SFTPD: variants seen among roughly 807,000 people sequenced by gnomAD.
SFTPD encodes the protein surfactant protein D, also known as pulmonary surfactant-associated protein D.
Under a neutral mutation model 34.6 loss-of-function variants are expected in SFTPD, and 18 were observed. The ratio of observed to expected loss-of-function variants is 0.52; its 90% confidence interval spans 0.36 to 0.77. The LOEUF (loss-of-function observed/expected upper bound fraction) is 0.77. Among genes scored for constraint, SFTPD ranks in the 30% least tolerant of loss-of-function variants. The pLI is 0.00. For synonymous variants in SFTPD, 155 were observed against 180.9 expected (o/e 0.86, Z 1.15); for missense variants, 433 against 468.9 (o/e 0.92, Z 0.71).
chr10:79,977,461 AAACAAC>A (rs996936503), intron 1 of SFTPD, among the ~76,000 whole-genome samples: 12 of 152,224 alleles, frequency 7.9e-5, no homozygotes, highest in African/African-American at 2.9e-4. Flanking sequence ...AATCATAAAC[AAACAAC>A]AACAACACAC....
At chr10:79,944,274 A>C (rs1348921757) in intron 2 of SFTPD, among the ~76,000 whole-genome samples, 2 of 152,136 alleles carry the variant, frequency 1.3e-5, no homozygotes, top group Non-Finnish European at 2.9e-5. Context: ...GGGAGCTTCA[A>C]CTCTATCTCA....
chr10:79,962,373 AT>A (rs1842778522), intron 1 of SFTPD, among the ~76,000 whole-genome samples: 1 of 151,948 alleles, frequency 6.6e-6, no homozygotes, highest in Admixed American at 6.6e-5. Flanking sequence ...TGTCTTTATT[AT>A]TTTCTCTATG....
chr10:79,952,720 G>T (rs34671741), upstream of SFTPD, among the ~76,000 whole-genome samples: 3,620 of 72,088 alleles, frequency 0.05, 69 homozygotes, highest in South Asian at 0.076. Flanking sequence ...ACAAGGGCTG[G>T]GATTCCTTGG....
At chr10:79,947,131 G>T (rs1842673900) in intron 1 of SFTPD, among the ~76,000 whole-genome samples, 1 of 152,252 alleles carries the variant, frequency 6.6e-6, no homozygotes, top group South Asian at 2.1e-4. Flanking sequence ...CTCTCTTGCT[G>T]CCTTGCATGG....
chr10:79,975,669 A>AG, intron 1 of SFTPD, among the ~76,000 whole-genome samples: 1 of 152,338 alleles, frequency 6.6e-6, no homozygotes, highest in East Asian at 1.9e-4. Flanking sequence ...GTGGGAAATC[A>AG]GGGGTCTCAC....
intron 1 of SFTPD, among the ~76,000 whole-genome samples, chr10:79,976,630 A>G (rs1842865524): frequency 6.6e-6 from 1 of 152,172 alleles, no homozygotes; most frequent in Admixed American, 6.5e-5. Context: ...CAAGAGCATA[A>G]TGAAGCTTTC....
rs750847163 is a variant in SFTPD, at chr10:79,946,600, T to G, written c.60A>C (p.Glu20Asp). 6.2e-7 allele frequency: 1 copy of G among 1,614,176 alleles called. No individual in the cohort carries two copies. Among genetic ancestry groups the G allele is most frequent in the Non-Finnish European group, 8.5e-7 (1 of 1,180,002 alleles). The change falls in exon 2 of 8, where the codon GAA (glutamate) becomes GAC (aspartate). Residue 20 changes from glutamate to aspartate, a missense_variant. By Grantham distance (45) the Glu-to-Asp change is conservative. Transcript: ENST00000372292. ...TGTGGGAGTAGGTCTTCATTTCTGC[T>G]TCCAGGTAGCCCAGGGGCTGTGTGA... is the stretch of plus-strand genomic sequence containing the variant. ...VLLTQPLGYL[E>D]AEMKTYSHRT...
chr10:79,959,928 G>A (rs867529282), intron 1 of SFTPD, among the ~76,000 whole-genome samples: 4 of 151,932 alleles, frequency 2.6e-5, no homozygotes, highest in Non-Finnish European at 4.4e-5. Context: ...CCAGCAGCAC[G>A]TCAAAAAGCT....
At chr10:79,941,727 C>T (rs547335304) in intron 5 of SFTPD, among the ~76,000 whole-genome samples, 6 of 152,340 alleles carry the variant, frequency 3.9e-5, no homozygotes, top group South Asian at 2.1e-4. Context: ...CACCCAACAA[C>T]TAACCTTCCC....
At chr10:79,940,822 TC>T in intron 6 of SFTPD, 34 bp from the exon 7 acceptor site, 1 of 1,417,202 alleles carries the variant, frequency 7.1e-7, no homozygotes, top group Non-Finnish European at 1.0e-6. Flanking sequence ...TAAAGACTTG[TC>T]CAGAGAGCGA....
intron 1 of SFTPD, among the ~76,000 whole-genome samples, chr10:79,979,253 G>A (rs765778260): frequency 4.6e-5 from 7 of 152,224 alleles, no homozygotes; most frequent in Non-Finnish European, 8.8e-5. Context: ...TCAGGAAGCA[G>A]AGCAAGATGG....
rs1461979821 is a variant in SFTPD at position 79,941,506 on chromosome 10, C to T, written c.559G>A (p.Gly187Arg). ...GGACTTCCCTGGGGACCCATGGCTC[C>T]AGCAGACCCTGGGGTAAAAGAAGAA... Reference protein sequence around the residue: ...PGNTGAAGSAGAMGPQGSPGA... With the variant: ...PGNTGAAGSARAMGPQGSPGA... The change falls in exon 6 of 8, where the codon GGA becomes AGA. Residue 187 changes from glycine (G) to arginine (R), a missense_variant. By Grantham distance (125) the Gly-to-Arg change is moderately radical (BLOSUM62 -2). Coordinates refer to ENST00000372292, the MANE Select transcript of SFTPD (RefSeq NM_003019.5). The T allele has an allele frequency of 6.2e-7, 1 of 1,601,854 alleles. No homozygotes were observed. Among genetic ancestry groups the T allele is most frequent in the East Asian group, 2.2e-5 (1 of 44,756 alleles).
intron 1 of SFTPD, among the ~76,000 whole-genome samples, chr10:79,961,205 C>A (rs968188834): frequency 1.3e-5 from 2 of 152,094 alleles, no homozygotes; most frequent in African/African-American, 4.8e-5. Flanking sequence ...AGAAGAAAAC[C>A]TAGGCAATAC....
At chr10:79,945,280 G>T (rs907020960) in intron 2 of SFTPD, among the ~76,000 whole-genome samples, 1 of 152,128 alleles carries the variant, frequency 6.6e-6, no homozygotes, top group Non-Finnish European at 1.5e-5. Flanking sequence ...CTGAGAAAGA[G>T]CTGCCAAGAT....
intron 1 of SFTPD, among the ~76,000 whole-genome samples, chr10:79,961,943 A>T (rs1589340715): frequency 6.7e-6 from 1 of 148,754 alleles, no homozygotes; most frequent in Non-Finnish European, 1.5e-5. Flanking sequence ...GCACATATAC[A>T]CCATGGAATA....
In SFTPD at chr10:79,942,463, C is replaced by G. The variant is rs1842623661; in HGVS notation, c.358G>C (p.Glu120Gln). 2 of 1,613,616 alleles carry G rather than the reference C, an allele frequency of 1.2e-6. No homozygotes were observed. The highest frequency in any genetic ancestry group is 1.7e-6 in the Non-Finnish European group (2 of 1,179,582). ...PPGVPGPAGR[E>Q]GPLGKQGNIG... ...TTCCCCTGCTTCCCCAGGGGACCTT[C>G]TCTTCCAGCTGGACCAGGCACACCG... Residue 120 changes from glutamate to glutamine, a missense_variant, in exon 4 of 8, where the codon GAA (glutamate) becomes CAA (glutamine). Coordinates refer to ENST00000372292, the MANE Select transcript of SFTPD (RefSeq NM_003019.5).
At chr10:79,952,814 C>T (rs2132508089), upstream of SFTPD, among the ~76,000 whole-genome samples, 1 of 152,314 alleles carries the variant, frequency 6.6e-6, no homozygotes, top group South Asian at 2.1e-4. Flanking sequence ...AGTGTGCCTG[C>T]ATGAGCTGGC....
chr10:79,975,612 C>T (rs977316494), intron 1 of SFTPD, among the ~76,000 whole-genome samples: 3 of 152,066 alleles, frequency 2.0e-5, no homozygotes, highest in Non-Finnish European at 2.9e-5. Context: ...CCTAACCCAG[C>T]GGCACTAGAG....
chr10:79,955,196 C>G (rs1842732017), intron 1 of SFTPD, among the ~76,000 whole-genome samples: 1 of 151,980 alleles, frequency 6.6e-6, no homozygotes, highest in Admixed American at 6.6e-5. Context: ...CACCCCAACA[C>G]CAAGGAGCTG....
Sources: gnomAD v4.1 joint callset for allele counts (sites outside exome capture counted in the v4.1 genomes callset) on GRCh38, gnomAD v4.1.1 for gene constraint, MANE v1.5 for transcripts, NCBI Gene and HGNC (gene_info 2026-07-23, HGNC 2026-07-21) for gene names.